The following LYPLAL1 variants were observed in gnomAD, a reference collection of about 807,000 sequenced individuals.
LYPLAL1 encodes the protein lysophospholipase like 1.
Under a neutral mutation model 19.7 loss-of-function variants are expected in LYPLAL1, and 23 were observed. The ratio of observed to expected loss-of-function variants is 1.17; its 90% confidence interval spans 0.84 to 1.65. The LOEUF is 1.65. Ranked by LOEUF, LYPLAL1 falls within the 40% of genes most tolerant of loss-of-function variation. The pLI is 0.00. For synonymous variants in LYPLAL1, 119 were observed against 96.3 expected, an observed-to-expected ratio of 1.24 and a Z score of -1.38; for missense variants, 355 against 279.4, an observed-to-expected ratio of 1.27 and a Z score of -1.93.
the LYPLAL1 span, among the ~76,000 whole-genome samples, chr1:219,224,537 G>GTA: frequency 2.0e-5 from 3 of 152,050 alleles, no homozygotes; most frequent in African/African-American, 7.2e-5. Flanking sequence ...CAGCGGTGAC[G>GTA]TACTCATGGT....
At chr1:219,250,703 A>G in the LYPLAL1 span, among the ~76,000 whole-genome samples, 2 of 151,922 alleles carry the variant, frequency 1.3e-5, no homozygotes, top group East Asian at 3.8e-4. Flanking sequence ...CCAATCTGTC[A>G]TTGATGGGTG....
the LYPLAL1 span, among the ~76,000 whole-genome samples, chr1:219,275,131 T>C: frequency 6.6e-6 from 1 of 152,156 alleles, no homozygotes; most frequent in East Asian, 1.9e-4. Flanking sequence ...CTCCCCAGCC[T>C]CCATCCAATT....
At chr1:219,281,165 C>A in the LYPLAL1 span, among the ~76,000 whole-genome samples, 1 of 152,110 alleles carries the variant, frequency 6.6e-6, no homozygotes, top group African/African-American at 2.4e-5. Flanking sequence ...TTAGGATGGG[C>A]TTGGCAGTTT....
chr1:219,345,952 A>T, the LYPLAL1 span, among the ~76,000 whole-genome samples: 8 of 152,200 alleles, frequency 5.3e-5, no homozygotes, highest in East Asian at 1.5e-3. Flanking sequence ...TATTCTATTT[A>T]TATCAGTTCC....
At chr1:219,330,368 C>T in the LYPLAL1 span, among the ~76,000 whole-genome samples, 1 of 152,144 alleles carries the variant, frequency 6.6e-6, no homozygotes, top group Non-Finnish European at 1.5e-5. Flanking sequence ...CAAACAGAGA[C>T]TCAGCTTTAT....
chr1:219,288,156 A>G, the LYPLAL1 span, among the ~76,000 whole-genome samples: 16 of 152,214 alleles, frequency 1.1e-4, no homozygotes, highest in Non-Finnish European at 1.5e-4. Context: ...CCACATGGAA[A>G]CCTACACAGG....
At chr1:219,259,559 A>G in the LYPLAL1 span, among the ~76,000 whole-genome samples, 1 of 151,642 alleles carries the variant, frequency 6.6e-6, no homozygotes, top group Non-Finnish European at 1.5e-5. Flanking sequence ...CAAACATCGT[A>G]TGTTCTCACT....
At chr1:219,408,808 A>G in the LYPLAL1 span, among the ~76,000 whole-genome samples, 25 of 152,222 alleles carry the variant, frequency 1.6e-4, no homozygotes, top group Non-Finnish European at 3.2e-4. Flanking sequence ...TCTAGTGTAT[A>G]TGAAAAACAG....
At chr1:219,317,769 C>A in the LYPLAL1 span, among the ~76,000 whole-genome samples, 1 of 152,158 alleles carries the variant, frequency 6.6e-6, no homozygotes, top group African/African-American at 2.4e-5. Context: ...CAGCAGTTGT[C>A]GTCTCAGAGA....
At chr1:219,210,504 C>G in intron 3 of LYPLAL1, 28 bp from the exon 4 acceptor site, 1 of 173,160 alleles carries the variant, frequency 5.8e-6, no homozygotes, top group Non-Finnish European at 1.0e-5. Context: ...TTTATGTATT[C>G]TACTTTTAAG....
the LYPLAL1 span, among the ~76,000 whole-genome samples, chr1:219,268,723 T>G: frequency 6.6e-6 from 1 of 152,244 alleles, no homozygotes; most frequent in South Asian, 2.1e-4. Context: ...TTTTCTACAT[T>G]ACTCTAGGGA....
At chr1:219,181,004 T>TC (rs1374070611) in intron 2 of LYPLAL1, among the ~76,000 whole-genome samples, 11 of 152,272 alleles carry the variant, frequency 7.2e-5, no homozygotes, top group African/African-American at 2.6e-4. Context: ...TAGACCATAC[T>TC]CACCAATAGA....
chr1:219,314,856 T>G, the LYPLAL1 span, among the ~76,000 whole-genome samples: 14 of 152,226 alleles, frequency 9.2e-5, no homozygotes, highest in Non-Finnish European at 1.8e-4. Flanking sequence ...GGTCTTAGAA[T>G]CTTCGTTTTA....
At chr1:219,344,933 C>T in the LYPLAL1 span, among the ~76,000 whole-genome samples, 4 of 152,268 alleles carry the variant, frequency 2.6e-5, no homozygotes, top group Admixed American at 6.5e-5. Context: ...TCTGAGATGG[C>T]TTCTTAACAT....
the LYPLAL1 span, among the ~76,000 whole-genome samples, chr1:219,424,285 G>A: frequency 1.1e-4 from 16 of 152,048 alleles, no homozygotes; most frequent in African/African-American, 3.9e-4. Flanking sequence ...ATCATTCTAG[G>A]AGAAAGTCAA....
the LYPLAL1 span, among the ~76,000 whole-genome samples, chr1:219,381,883 G>A: frequency 2.5e-4 from 38 of 152,280 alleles, no homozygotes; most frequent in African/African-American, 8.9e-4. Context: ...AGTACAATAC[G>A]AGCTATGGTA....
At chr1:219,311,767 A>C in the LYPLAL1 span, among the ~76,000 whole-genome samples, 1 of 152,104 alleles carries the variant, frequency 6.6e-6, no homozygotes, top group Non-Finnish European at 1.5e-5. Context: ...TCCAACAAAC[A>C]TTTCTTAAGC....
chr1:219,444,069 AT>A, the LYPLAL1 span, among the ~76,000 whole-genome samples: 31 of 150,320 alleles, frequency 2.1e-4, 1 homozygote, highest in South Asian at 1.1e-3. Context: ...CTAGGAATCC[AT>A]TTTTTTTTTC....
chr1:219,179,655 G>A (rs925562969), intron 2 of LYPLAL1, among the ~76,000 whole-genome samples: 1 of 152,122 alleles, frequency 6.6e-6, no homozygotes, highest in Non-Finnish European at 1.5e-5. Flanking sequence ...GGGTTTTATG[G>A]CATTCTTTCC....
Sources: gnomAD v4.1 joint callset for allele counts (sites outside exome capture counted in the v4.1 genomes callset) on GRCh38, gnomAD v4.1.1 for gene constraint, MANE v1.5 for transcripts, NCBI Gene and HGNC (gene_info 2026-07-23, HGNC 2026-07-21) for gene names.